The following CAPN10 variants were observed in gnomAD, a reference collection of about 807,000 sequenced individuals.
The protein encoded by CAPN10 is calpain-10.
Under a neutral mutation model 78.4 loss-of-function variants are expected in CAPN10, and 71 were observed. That is an observed-to-expected ratio of 0.91 (90% CI 0.75 to 1.10). The LOEUF (loss-of-function observed/expected upper bound fraction) is 1.10. Among genes scored for constraint, CAPN10 ranks in the 50% least tolerant of loss-of-function variants. The pLI is 0.00. For missense variants in CAPN10, 849 were observed against 924.6 expected, an observed-to-expected ratio of 0.92 and a Z score of 1.06; for synonymous variants, 437 against 407.2, an observed-to-expected ratio of 1.07 and a Z score of -0.88.
intron 1 of CAPN10, 115 bp from the exon 2 acceptor site, chr2:240,589,228 C>T (rs1439311026): frequency 7.3e-7 from 1 of 1,375,972 alleles, no homozygotes; most frequent in South Asian, 1.2e-5. Flanking sequence ...TTTTGGGTAA[C>T]ACTGATGATC....
intron 4 of CAPN10, chr2:240,592,357 CT>C: frequency 2.9e-6 from 2 of 682,548 alleles, no homozygotes; most frequent in Middle Eastern, 2.4e-4. Context: ...CTTCTCTCCC[CT>C]GACCAGTCCT....
intron 1 of CAPN10, among the ~76,000 whole-genome samples, chr2:240,587,449 C>T (rs1324466863): frequency 6.6e-6 from 1 of 152,248 alleles, no homozygotes; most frequent in African/African-American, 2.4e-5. Flanking sequence ...GCCGAGCCCA[C>T]AAAGCAAAGC....
At chr2:240,593,619 C>T (rs1044827186) in intron 4 of CAPN10, among the ~76,000 whole-genome samples, 6 of 152,352 alleles carry the variant, frequency 3.9e-5, no homozygotes, top group Non-Finnish European at 8.8e-5. Flanking sequence ...CAGATGGGTA[C>T]GGACGATGAC....
In CAPN10 at chr2:240,596,241, C is replaced by G; in HGVS notation, c.1279-78C>G. 2.0e-6 allele frequency: 3 copies of G among 1,505,602 alleles called. No homozygotes were observed. In the South Asian group the frequency reaches 4.0e-5, roughly 20 times the overall value. 93.3% of individuals were successfully genotyped at this position (1,505,602 alleles called of 1,614,324 possible). A position where few individuals can be genotyped will look rare whatever the true frequency, so the allele number is the denominator to read the frequency against. On this transcript the variant is annotated intron_variant, in intron 7 of 11. Coordinates refer to ENST00000391984, the MANE Select transcript of CAPN10 (RefSeq NM_023083.4). Reference sequence around the variant, plus strand: ...TCTGTCAACTCCAGAGGCCCTTGTGCTTGCAGCAGGGAGGTCAAGGCCAGG... The same window carrying G: ...TCTGTCAACTCCAGAGGCCCTTGTGGTTGCAGCAGGGAGGTCAAGGCCAGG...
chr2:240,597,751 T>C, intron 9 of CAPN10, 137 bp from the exon 10 acceptor site: 1 of 808,898 alleles, frequency 1.2e-6, no homozygotes, highest in Non-Finnish European at 1.9e-6. Context: ...GAGTCCAGTG[T>C]CCAGGCCTGG....
Position 240,598,337 on chromosome 2 carries a change from G to C in CAPN10, c.1944-15G>C. 6.2e-7 allele frequency: 1 copy of C among 1,613,626 alleles called. No homozygotes were observed. The highest frequency in any genetic ancestry group is 1.1e-5 in the South Asian group (1 of 91,084). ...AAGTGCAGTCTGGGAGCGCTGATCT[G>C]GTGTCTCTCCACAGGCCATCCATTC... is the stretch of plus-strand genomic sequence containing the variant. On this transcript the variant is annotated splice_polypyrimidine_tract_variant and intron_variant, in intron 10 of 11. Transcript: ENST00000391984.
Position 240,587,053 on chromosome 2 carries a change from G to T in CAPN10, c.141+1G>T. On this transcript the variant is annotated splice_donor_variant, in intron 1 of 11. Coordinates refer to ENST00000391984, the MANE Select transcript of CAPN10 (RefSeq NM_023083.4). LOFTEE classifies it high-confidence loss of function. ...GGACATCACGTGGAGGCGGCCCCAG[G>T]TGGGGCCGTGTGGGGTGCGGTGGGC... The T allele has an allele frequency of 7.2e-7, 1 of 1,396,494 alleles. No homozygotes were observed. The allele number at this position is 1,396,494 out of a possible 1,614,324, so 86.5% of individuals were successfully genotyped here.
chr2:240,598,182 C>T, intron 10 of CAPN10, 95 bp downstream of exon 10: 3 of 1,342,462 alleles, frequency 2.2e-6, no homozygotes, highest in Non-Finnish European at 3.1e-6. Context: ...CTGCCCCTCA[C>T]CCTCAAGCCC....
At position 240,595,255 on chromosome 2, in the gene CAPN10, C is replaced by T. The variant is rs776140775; in HGVS notation, c.1229C>T (p.Ala410Val). 32 of 1,613,462 alleles carry T rather than the reference C, an allele frequency of 2.0e-5. No individual in the cohort carries two copies. The highest frequency in any genetic ancestry group is 4.0e-5 in the African/African-American group (3 of 74,906). Residue 410 changes from alanine to valine, a missense_variant, in exon 7 of 12, where the codon GCG becomes GTG. By Grantham distance (64) the Ala-to-Val change is moderately conservative. Coordinates refer to ENST00000391984, the MANE Select transcript of CAPN10 (RefSeq NM_023083.4). ...GACAGTCATACTTCGTGGAGCCCAG[C>T]GAGCATCCCGGGCAAGCACTACCAG... is the stretch of plus-strand genomic sequence containing the variant. Reference protein sequence around the residue: ...VGDSHTSWSPASIPGKHYQAV... With the variant: ...VGDSHTSWSPVSIPGKHYQAV...
Position 240,594,651 on chromosome 2 carries a change from C to T in CAPN10, c.939C>T (p.Asp313=), listed in dbSNP as rs761909084. 2.9e-5 allele frequency: 47 copies of T among 1,613,774 alleles called. No individual in the cohort carries two copies. The highest frequency in any genetic ancestry group is 1.2e-4 in the African/African-American group (9 of 74,910). The change falls in exon 6 of 12, where the codon GAC becomes GAT. Residue 313 remains aspartate (D), a synonymous_variant. Coordinates refer to ENST00000391984, the MANE Select transcript of CAPN10 (RefSeq NM_023083.4). ...AGGAGGAGTTCCTCAGGGAGTTTGA[C>T]GAGCTCACCGTTGGCTACCCGGTCA... ...VEEEEFLREF[D]ELTVGYPVTE... is the part of the protein sequence containing the mutation.
chr2:240,593,354 T>C (rs1406493983), intron 4 of CAPN10, among the ~76,000 whole-genome samples: 1 of 152,194 alleles, frequency 6.6e-6, no homozygotes, highest in Non-Finnish European at 1.5e-5. Context: ...TCTAGACCGT[T>C]GCCCCGCCAC....
Position 240,594,724 on chromosome 2 carries a change from G to A in CAPN10, c.997+15G>A. 6.2e-7 allele frequency: 1 copy of A among 1,604,792 alleles called. No individual in the cohort carries two copies. The highest frequency in any genetic ancestry group is 8.5e-7 in the Non-Finnish European group (1 of 1,174,018). ...CCTCTACACAGGTAGTGCCCCGAGGGGCTGTGCTGGGCACGTGCTCTGCCT... is the reference window on the plus strand; with the variant it reads ...CCTCTACACAGGTAGTGCCCCGAGGAGCTGTGCTGGGCACGTGCTCTGCCT... On this transcript the variant is annotated intron_variant, in intron 6 of 11. Coordinates refer to ENST00000391984, the MANE Select transcript of CAPN10 (RefSeq NM_023083.4).
intron 6 of CAPN10, 29 bp downstream of exon 6, chr2:240,594,738 C>A (rs201295924): frequency 1.9e-6 from 3 of 1,595,284 alleles, no homozygotes; most frequent in East Asian, 2.2e-5. Flanking sequence ...GTGCTGGGCA[C>A]GTGCTCTGCC....
At chr2:240,593,271 G>A (rs2093114508) in intron 4 of CAPN10, among the ~76,000 whole-genome samples, 1 of 152,276 alleles carries the variant, frequency 6.6e-6, no homozygotes, top group Admixed American at 6.5e-5. Context: ...GACTGGAGGT[G>A]CATTGGAGCC....
intron 1 of CAPN10, among the ~76,000 whole-genome samples, 158 bp downstream of exon 1, chr2:240,587,210 TC>T (rs1363647819): frequency 6.6e-6 from 1 of 152,162 alleles, no homozygotes; most frequent in African/African-American, 2.4e-5. Context: ...TTTTCGTACC[TC>T]CTTCATACCC....
intron 9 of CAPN10, 49 bp downstream of exon 9, chr2:240,596,991 A>G: frequency 1.2e-6 from 2 of 1,609,574 alleles, no homozygotes; most frequent in South Asian, 2.2e-5. Flanking sequence ...GGGCCCTCAG[A>G]GAATTTGCAT....
At position 240,586,859 on chromosome 2, in the gene CAPN10, G is replaced by A. The variant is rs2093071066; in HGVS notation, c.-53G>A. ...GCGGCGGCTGACTCGCCTTCTCTCC[G>A]GGGCTGCGACCCCGAGGCAACCGGC... On this transcript the variant is annotated 5_prime_UTR_variant, in exon 1 of 12. Transcript: ENST00000391984. 6 of 1,327,426 alleles carry A rather than the reference G, an allele frequency of 4.5e-6. No individual in the cohort carries two copies. In the South Asian group the frequency reaches 5.9e-5, roughly 13 times the overall value. The allele number at this position is 1,327,426 out of a possible 1,614,324, so 82.2% of individuals were successfully genotyped here. A position where few individuals can be genotyped will look rare whatever the true frequency, so the allele number is the denominator to read the frequency against.
In CAPN10 at chr2:240,593,898, T is replaced by A; in HGVS notation, c.689-8T>A. ...TTCCTGCCTGTGCCTGCGCCATTCC[T>A]CATGCAGGTGCCCGGGAGCTGGGGG... is the stretch of plus-strand genomic sequence containing the variant. On this transcript the variant is annotated splice_polypyrimidine_tract_variant and splice_region_variant and intron_variant, in intron 4 of 11. Transcript: ENST00000391984. 6.3e-7 allele frequency: 1 copy of A among 1,589,918 alleles called. No homozygotes were observed. The highest frequency in any genetic ancestry group is 8.6e-7 in the Non-Finnish European group (1 of 1,163,408).
intron 1 of CAPN10, among the ~76,000 whole-genome samples, chr2:240,588,371 G>A (rs1440024313): frequency 6.6e-6 from 1 of 152,190 alleles, no homozygotes; most frequent in Non-Finnish European, 1.5e-5. Context: ...AGGGGGCCTT[G>A]GGGCTGAGCC....
Sources: allele counts gnomAD v4.1 joint callset (sites outside exome capture counted in the v4.1 genomes callset), GRCh38; gene constraint gnomAD v4.1.1; transcripts MANE v1.5; gene names NCBI Gene and HGNC (gene_info 2026-07-23, HGNC 2026-07-21).